The following DAB1 variants were observed in gnomAD, a reference collection of about 807,000 sequenced individuals.
DAB1 encodes disabled homolog 1.
A neutral mutation model predicts 64.6 loss-of-function variants in DAB1; 15 were observed. The ratio of observed to expected loss-of-function variants is 0.23; its 90% CI spans 0.16 to 0.36. DAB1 has a LOEUF of 0.36. Among genes scored for constraint, DAB1 ranks in the 10% least tolerant of loss-of-function variants. The probability of loss-of-function intolerance (pLI) is 1.00; values close to 1 mark genes in which losing one functional copy is unlikely to be tolerated. For synonymous variants in DAB1, 235 were observed against 251.9 expected, an observed-to-expected ratio of 0.93 and a Z score of 0.64; for missense variants, 596 against 706.7, an observed-to-expected ratio of 0.84 and a Z score of 1.78.
chr1:58,264,922 A>G (rs1340328413), intron 4 of DAB1, among the ~76,000 whole-genome samples: 1 of 152,188 alleles, frequency 6.6e-6, no homozygotes, highest in East Asian at 1.9e-4. Flanking sequence ...TTTCTTTGCT[A>G]TGATTTGCAC....
chr1:57,511,630 G>A (rs1229349665), intron 7 of DAB1, among the ~76,000 whole-genome samples: 1 of 151,922 alleles, frequency 6.6e-6, no homozygotes, highest in East Asian at 1.9e-4. Flanking sequence ...GTTTCCCCCT[G>A]AGGAATGTAA....
chr1:57,352,149 G>C (rs901793342), intron 1 of DAB1, among the ~76,000 whole-genome samples: 5 of 152,104 alleles, frequency 3.3e-5, no homozygotes, highest in Non-Finnish European at 5.9e-5. Flanking sequence ...ATGGAAAAAG[G>C]ATCAGAAGAA....
chr1:57,908,973 A>T (rs946054214), intron 5 of DAB1, among the ~76,000 whole-genome samples: 1 of 91,962 alleles, frequency 1.1e-5, no homozygotes, highest in Non-Finnish European at 2.6e-5. Context: ...ATTTTCCTTT[A>T]AAAAAAAATG....
At chr1:57,383,092 T>C (rs1409868567) in intron 1 of DAB1, among the ~76,000 whole-genome samples, 3 of 151,704 alleles carry the variant, frequency 2.0e-5, no homozygotes, top group Non-Finnish European at 2.9e-5. Context: ...GGCTTGGGGG[T>C]TGGACTGTAG....
chr1:58,021,838 G>C (rs1409031663), intron 5 of DAB1, among the ~76,000 whole-genome samples: 1 of 152,224 alleles, frequency 6.6e-6, no homozygotes, highest in Non-Finnish European at 1.5e-5. Context: ...AATCCCAAGT[G>C]ATAGGAAGCA....
At chr1:57,235,708 AAAAAAG>A (rs1668038364) in intron 2 of DAB1, among the ~76,000 whole-genome samples, 1 of 25,672 alleles carries the variant, frequency 3.9e-5, no homozygotes, top group Non-Finnish European at 1.4e-4. Context: ...TCAAAACTTT[AAAAAAG>A]AAAAAAAAAC....
rs1241733628 is a variant in DAB1, at chr1:57,327,806, G to A, written c.-136-36640C>T. Among the ~76,000 whole-genome samples, 4 of 152,206 alleles carry A rather than the reference G, an allele frequency of 2.6e-5. No individual in the cohort carries two copies. The East Asian group carries it at 7.7e-4, about 29-fold the overall frequency. On this transcript the variant is annotated intron_variant, in intron 1 of 14. Transcript: ENST00000371236. Reference sequence around the variant, plus strand: ...AGCGGCCAAATCAATTCCTTTGCCAGAGTTACTTTTCCTAAAAGCTTGAGA... The same window carrying A: ...AGCGGCCAAATCAATTCCTTTGCCAAAGTTACTTTTCCTAAAAGCTTGAGA...
chr1:57,727,053 C>T (rs929654390), intron 6 of DAB1, among the ~76,000 whole-genome samples: 14 of 152,208 alleles, frequency 9.2e-5, no homozygotes, highest in East Asian at 5.8e-4. Flanking sequence ...AGAATGATGG[C>T]GAGAAACAAT....
At chr1:58,380,745 G>A (rs987761053) in intron 3 of DAB1, among the ~76,000 whole-genome samples, 3 of 152,176 alleles carry the variant, frequency 2.0e-5, no homozygotes, top group Admixed American at 6.5e-5. Context: ...TCTGAAGCCA[G>A]AATAAGCTCA....
intron 7 of DAB1, among the ~76,000 whole-genome samples, chr1:57,598,661 G>A (rs1227721899): frequency 1.3e-5 from 2 of 152,278 alleles, no homozygotes; most frequent in South Asian, 2.1e-4. Context: ...GGCTGTATGG[G>A]CAGTGACAGG....
chr1:57,719,636 C>T (rs942568068), intron 6 of DAB1, among the ~76,000 whole-genome samples: 3 of 152,228 alleles, frequency 2.0e-5, no homozygotes, highest in Non-Finnish European at 4.4e-5. Context: ...TTTGCTTACT[C>T]TCCTGCCATC....
chr1:58,151,727 C>T (rs1042750143), intron 4 of DAB1, among the ~76,000 whole-genome samples: 7 of 152,168 alleles, frequency 4.6e-5, no homozygotes, highest in African/African-American at 1.7e-4. Flanking sequence ...GTGCAATGTA[C>T]CTGCTAGATA....
chr1:57,566,031 G>T (rs938704071), intron 7 of DAB1, among the ~76,000 whole-genome samples: 2 of 152,170 alleles, frequency 1.3e-5, no homozygotes, highest in Non-Finnish European at 2.9e-5. Context: ...TGGAAGTAAA[G>T]CACTCCTCAG....
At chr1:58,500,426 T>A (rs891019621) in intron 3 of DAB1, among the ~76,000 whole-genome samples, 1 of 152,216 alleles carries the variant, frequency 6.6e-6, no homozygotes, top group South Asian at 2.1e-4. Flanking sequence ...ATAATATTAA[T>A]GATTTATTCA....
chr1:57,449,987 G>A (rs748720147), intron 7 of DAB1, among the ~76,000 whole-genome samples: 11 of 152,150 alleles, frequency 7.2e-5, no homozygotes, highest in Non-Finnish European at 1.5e-4. Flanking sequence ...CCTTTAGAAA[G>A]CTTACTATCT....
At chr1:57,661,978 T>A (rs1001775353) in intron 6 of DAB1, among the ~76,000 whole-genome samples, 5 of 151,970 alleles carry the variant, frequency 3.3e-5, no homozygotes, top group Admixed American at 1.3e-4. Context: ...GACTTGAGGG[T>A]GACCGTAAAG....
At chr1:57,715,194 T>C (rs1647070549) in intron 6 of DAB1, among the ~76,000 whole-genome samples, 2 of 152,214 alleles carry the variant, frequency 1.3e-5, no homozygotes, top group Admixed American at 1.3e-4. Flanking sequence ...ATTATTTCAA[T>C]AGATGCTGAA....
chr1:58,291,280 G>C (rs1363029290), intron 4 of DAB1, among the ~76,000 whole-genome samples: 3 of 152,100 alleles, frequency 2.0e-5, no homozygotes, highest in African/African-American at 7.2e-5. Context: ...ACAGGGGGAG[G>C]CAATAAAATT....
intron 6 of DAB1, among the ~76,000 whole-genome samples, chr1:57,733,362 C>A (rs1178916630): frequency 6.6e-6 from 1 of 151,814 alleles, no homozygotes; most frequent in African/African-American, 2.4e-5. Flanking sequence ...TCCATGAGGG[C>A]AGGGATCTGT....
Sources: allele counts gnomAD v4.1 joint callset (sites outside exome capture counted in the v4.1 genomes callset), GRCh38; gene constraint gnomAD v4.1.1; transcripts MANE v1.5; gene names NCBI Gene and HGNC (gene_info 2026-07-23, HGNC 2026-07-21).